The following CAST variants were observed in gnomAD, a reference collection of about 807,000 sequenced individuals.
CAST encodes calpastatin.
Under a neutral mutation model 119.6 loss-of-function variants are expected in CAST, and 76 were observed. That is an observed-to-expected ratio of 0.64 (90% CI 0.53 to 0.77). The LOEUF is 0.77. Ranked by LOEUF, CAST falls within the 30% of genes least tolerant of loss-of-function variation. CAST has a pLI of 0.00. For synonymous variants in CAST, 319 were observed against 331.6 expected (o/e 0.96, Z 0.41); for missense variants, 953 against 946.5 (o/e 1.01, Z -0.09).
At chr5:96,526,907 A>G (rs1180699962), upstream of CAST, among the ~76,000 whole-genome samples, 1 of 152,184 alleles carries the variant, frequency 6.6e-6, no homozygotes, top group Non-Finnish European at 1.5e-5. Flanking sequence ...AAGGGCAAAG[A>G]GCAGCAGGAG....
chr5:96,553,391 G>A (rs978507299), intron 1 of CAST, among the ~76,000 whole-genome samples: 10 of 152,100 alleles, frequency 6.6e-5, no homozygotes, highest in African/African-American at 2.4e-4. Flanking sequence ...TCATAAACTA[G>A]TTATTGATGG....
At chr5:96,179,822 G>A in the CAST span, among the ~76,000 whole-genome samples, 56 of 152,222 alleles carry the variant, frequency 3.7e-4, no homozygotes, top group African/African-American at 1.3e-3. Flanking sequence ...GGATCACGAG[G>A]TCAGGAGATC....
chr5:96,346,360 G>T, the CAST span, among the ~76,000 whole-genome samples: 1 of 152,126 alleles, frequency 6.6e-6, no homozygotes, highest in Non-Finnish European at 1.5e-5. Flanking sequence ...TCAGGCAGGT[G>T]GTTAGATATT....
the CAST span, among the ~76,000 whole-genome samples, chr5:96,164,113 AT>A: frequency 1.3e-5 from 2 of 152,168 alleles, no homozygotes; most frequent in Non-Finnish European, 2.9e-5. Flanking sequence ...ATTAATATGT[AT>A]TTTTCACTCT....
the CAST span, among the ~76,000 whole-genome samples, chr5:96,014,731 TG>T: frequency 6.6e-6 from 1 of 152,002 alleles, no homozygotes; most frequent in East Asian, 1.9e-4. Flanking sequence ...TAAACTCCAG[TG>T]GGGGGTTGGG....
chr5:96,217,904 T>A, the CAST span, among the ~76,000 whole-genome samples: 34 of 152,320 alleles, frequency 2.2e-4, no homozygotes, highest in East Asian at 4.8e-3. Context: ...TCTGTTCAAC[T>A]GTGAAATTCA....
chr5:96,275,066 G>A, the CAST span, among the ~76,000 whole-genome samples: 1 of 152,182 alleles, frequency 6.6e-6, no homozygotes, highest in Non-Finnish European at 1.5e-5. Flanking sequence ...TGAGGTGGTA[G>A]CAGATGCTAT....
chr5:96,437,362 G>T, the CAST span, among the ~76,000 whole-genome samples: 2 of 152,130 alleles, frequency 1.3e-5, no homozygotes, highest in Non-Finnish European at 2.9e-5. Context: ...ATTAAATGTG[G>T]CCATATACAA....
intron 3 of CAST, among the ~76,000 whole-genome samples, chr5:96,701,096 G>A (rs1022301345): frequency 5.9e-5 from 9 of 152,096 alleles, no homozygotes; most frequent in African/African-American, 2.2e-4. Context: ...CACAGCTAAT[G>A]TTTGTATTTT....
At chr5:96,438,944 A>G in the CAST span, among the ~76,000 whole-genome samples, 1 of 152,314 alleles carries the variant, frequency 6.6e-6, no homozygotes, top group Non-Finnish European at 1.5e-5. Context: ...TTTTTCTGTG[A>G]GATTAAGTGA....
the CAST span, among the ~76,000 whole-genome samples, chr5:95,978,869 T>C: frequency 3.3e-5 from 5 of 152,270 alleles, no homozygotes; most frequent in Non-Finnish European, 7.4e-5. Flanking sequence ...AGTAAATTAA[T>C]TGGGCATTTA....
chr5:96,501,306 G>T, the CAST span, among the ~76,000 whole-genome samples: 2 of 152,120 alleles, frequency 1.3e-5, no homozygotes, highest in African/African-American at 4.8e-5. Flanking sequence ...AAGATTAGAA[G>T]TATAGATTTT....
chr5:96,118,059 G>A, the CAST span, among the ~76,000 whole-genome samples: 1 of 152,204 alleles, frequency 6.6e-6, no homozygotes, highest in Non-Finnish European at 1.5e-5. Context: ...TACGTTTGCT[G>A]TAGTTGGAAA....
chr5:96,620,678 C>A (rs956023358), intron 1 of CAST, among the ~76,000 whole-genome samples: 2 of 151,910 alleles, frequency 1.3e-5, no homozygotes, highest in Non-Finnish European at 2.9e-5. Flanking sequence ...AGTTAAGCAG[C>A]ATAAAAAAAG....
chr5:96,581,691 C>A (rs998773183), intron 1 of CAST, among the ~76,000 whole-genome samples: 1 of 152,072 alleles, frequency 6.6e-6, no homozygotes, highest in Non-Finnish European at 1.5e-5. Context: ...GAGATCGAGA[C>A]CATCCTGGCT....
At chr5:96,558,271 C>T (rs1485248156) in intron 1 of CAST, among the ~76,000 whole-genome samples, 1 of 152,046 alleles carries the variant, frequency 6.6e-6, no homozygotes, top group Non-Finnish European at 1.5e-5. Context: ...CTAAAATTGA[C>T]ACCCTAACAT....
At position 96,741,505 on chromosome 5, in the gene CAST, A is replaced by G; in HGVS notation, c.1023A>G (p.Glu341=). ...GKKTEKEEST[E]VLKAQSAGTV... The stretch of plus-strand genomic sequence containing the variant: ...ATTTTGTTTTTCAGGAATCTACAGA[A>G]GTTTTAAAAGCTCAGTCAGCAGGGA... Residue 341 remains glutamate (E), a synonymous_variant, in exon 15 of 32, where the codon GAA becomes GAG. Transcript: ENST00000675179. 6.2e-7 allele frequency: 1 copy of G among 1,612,874 alleles called. No homozygotes were observed. The highest frequency in any genetic ancestry group is 1.1e-5 in the South Asian group (1 of 91,012).
chr5:96,367,325 G>T, the CAST span, among the ~76,000 whole-genome samples: 2 of 152,086 alleles, frequency 1.3e-5, no homozygotes, highest in African/African-American at 4.8e-5. Flanking sequence ...ACTCTGTGCT[G>T]GGAGAACCAC....
chr5:96,678,203 T>TA (rs1750929125), intron 2 of CAST, among the ~76,000 whole-genome samples: 1 of 152,220 alleles, frequency 6.6e-6, no homozygotes, highest in Admixed American at 6.5e-5. Context: ...AATATTTTCT[T>TA]ACCTACTGCT....
Sources: allele counts gnomAD v4.1 joint callset (sites outside exome capture counted in the v4.1 genomes callset), GRCh38; gene constraint gnomAD v4.1.1; transcripts MANE v1.5; gene names NCBI Gene and HGNC (gene_info 2026-07-23, HGNC 2026-07-21).